PML: variants seen among roughly 807,000 people sequenced by gnomAD.
PML encodes protein PML.
PML carries 28 observed loss-of-function variants against 65.2 expected under a neutral mutation model. The ratio of observed to expected loss-of-function variants is 0.43; its 90% CI spans 0.32 to 0.59. The LOEUF (loss-of-function observed/expected upper bound fraction) is 0.59. PML is among the 20% of genes least tolerant of loss of function. The pLI is 0.08. For synonymous variants in PML, 500 were observed against 508.8 expected (o/e 0.98, Z 0.23); for missense variants, 1,021 against 1,203.4 (o/e 0.85, Z 2.24).
In PML at chr15:74,044,425, G is replaced by C; in HGVS notation, c.2066G>C (p.Arg689Pro). Residue 689 changes from arginine to proline, a missense_variant, in exon 9 of 9, where the codon CGG becomes CCG. Arg to Pro is a moderately radical substitution (Grantham distance 103). Transcript: ENST00000268058. ...GGGCCTGGCCTCCCAAACTTCTTCC[G>C]GGCCCTGGAGGACATTAACAGGCTG... ...LWGPGLPNFF[R>P]ALEDINRLWE... 1 of 1,614,138 alleles carries C rather than the reference G, an allele frequency of 6.2e-7. No homozygotes were observed. The highest frequency in any genetic ancestry group is 8.5e-7 in the Non-Finnish European group (1 of 1,180,008).
rs575547178 is a variant in PML, at chr15:74,047,719, T to C, written c.*2711T>C. 9 of 192,564 alleles carry C rather than the reference T, an allele frequency of 4.7e-5. No homozygotes were observed. The East Asian group carries it at 6.6e-4, about 14-fold the overall frequency. The allele number at this position is 192,564 out of a possible 1,614,324, so 11.9% of individuals were successfully genotyped here. A position where few individuals can be genotyped will look rare whatever the true frequency, so the allele number is the denominator to read the frequency against. The stretch of plus-strand genomic sequence containing the variant: ...GAGAAAATGTGTGTGAAGATAGCTT[T>C]TTGGTATATTTTAAAAGTGCACAAA... On this transcript the variant is annotated 3_prime_UTR_variant, in exon 9 of 9. Transcript: ENST00000268058.
chr15:74,044,928 C>A lies in PML; in HGVS notation c.2569C>A (p.Pro857Thr), dbSNP rs1156244389. ...GTYFEGLLEG[P>T]ALARAEGVST... ...CTACTTTGAAGGCCTGTTGGAGGGT[C>A]CGGCGCTGGCACGGGCAGAAGGAGT... The change falls in exon 9 of 9, where the codon CCG (proline) becomes ACG (threonine). Residue 857 changes from proline (P) to threonine (T), a missense_variant. By Grantham distance (38) the Pro-to-Thr change is conservative. Coordinates refer to ENST00000268058, the MANE Select transcript of PML (RefSeq NM_033238.3). The A allele has an allele frequency of 6.2e-7, 1 of 1,613,308 alleles. No homozygotes were observed. Among genetic ancestry groups the A allele is most frequent in the East Asian group, 2.2e-5 (1 of 44,862 alleles).
intron 2 of PML, among the ~76,000 whole-genome samples, chr15:74,006,390 CAAAAAAAAA>C (rs372202858): frequency 1.1e-5 from 1 of 87,554 alleles, no homozygotes; most frequent in Non-Finnish European, 2.1e-5. Context: ...GACTCCGTCT[CAAAAAAAAA>C]AAAAAAAAAA....
At chr15:74,034,961 G>T in intron 7 of PML, 1 of 1,471,684 alleles carries the variant, frequency 6.8e-7, no homozygotes, top group South Asian at 1.4e-5. Flanking sequence ...AGTGAGGTTT[G>T]ACTCCATCCA....
chr15:74,034,604 A>C, intron 7 of PML, 74 bp downstream of exon 7: 1 of 1,614,170 alleles, frequency 6.2e-7, no homozygotes, highest in Non-Finnish European at 8.5e-7. Flanking sequence ...CAGCCACAGC[A>C]GGTGACTCTC....
rs991729920 is a variant in PML, at chr15:74,023,074, G to A, written c.849G>A (p.Val283=). 1.9e-6 allele frequency: 3 copies of A among 1,602,760 alleles called. No individual in the cohort carries two copies. The African/African-American group carries it at 4.0e-5, about 21-fold the overall frequency. ...CCGAGGAGCTGATCCGCGAGCGCGT[G>A]CGCCAGGTGGTAGCTCACGTGCGGG... ...AETEELIRER[V]RQVVAHVRAQ... The change falls in exon 3 of 9, where the codon GTG becomes GTA. Residue 283 remains valine, a synonymous_variant. Transcript: ENST00000268058.
Position 74,008,738 on chromosome 15 carries a change from C to CA in PML, c.602+10279dup, listed in dbSNP as rs550873482. 9.4e-3 allele frequency among the ~76,000 whole-genome samples: 595 copies of CA among 63,580 alleles called. 3 individuals carry two copies. Among genetic ancestry groups the CA allele is most frequent in the East Asian group, 0.031 (68 of 2,218 alleles). The allele number at this position is 63,580 out of a possible 152,430, so 41.7% of individuals were successfully genotyped here. On this transcript the variant is annotated intron_variant, in intron 2 of 8. Coordinates refer to ENST00000268058, the MANE Select transcript of PML (RefSeq NM_033238.3). Reference sequence around the variant, plus strand: ...TGGGTGACAGAGCGAGACTGTGTCTCAAAAAAAAAAAAAAAAAGGAAAACC... The same window carrying CA: ...TGGGTGACAGAGCGAGACTGTGTCTCAAAAAAAAAAAAAAAAAAGGAAAACC...
At chr15:74,006,746 C>T (rs1486896328) in intron 2 of PML, among the ~76,000 whole-genome samples, 1 of 152,110 alleles carries the variant, frequency 6.6e-6, no homozygotes, top group Non-Finnish European at 1.5e-5. Flanking sequence ...GCACCAGAAA[C>T]CTGCTTGGCC....
Position 74,046,289 on chromosome 15 carries a change from G to C in PML, c.*1281G>C, listed in dbSNP as rs536007492. The C allele has an allele frequency of 8.6e-6, 2 of 233,288 alleles. No individual in the cohort carries two copies. The highest frequency in any genetic ancestry group is 3.6e-4 in the South Asian group (2 of 5,532). 14.5% of individuals were successfully genotyped at this position (233,288 alleles called of 1,614,324 possible). ...AGAGGTCAACAGCAGAACAGAGGCA[G>C]GTCAGGGTTGTCCGCTCTGATTAGC... On this transcript the variant is annotated 3_prime_UTR_variant, in exon 9 of 9. Coordinates refer to ENST00000268058, the MANE Select transcript of PML (RefSeq NM_033238.3).
intron 2 of PML, among the ~76,000 whole-genome samples, chr15:74,021,376 C>T (rs1330352775): frequency 2.0e-5 from 3 of 152,102 alleles, no homozygotes; most frequent in East Asian, 1.9e-4. Flanking sequence ...CACCTGAGGT[C>T]GGGAGTTCAA....
At chr15:74,002,518 A>G (rs1428400715) in intron 2 of PML, among the ~76,000 whole-genome samples, 1 of 136,924 alleles carries the variant, frequency 7.3e-6, no homozygotes, top group Non-Finnish European at 1.5e-5. Context: ...ATCTCGGCTC[A>G]CTGCAACCTC....
chr15:74,040,681 T>C (rs1056471461), intron 7 of PML, among the ~76,000 whole-genome samples: 29 of 152,046 alleles, frequency 1.9e-4, no homozygotes, highest in African/African-American at 6.5e-4. Flanking sequence ...CTGGCTGGAG[T>C]TCCAGTGAGA....
chr15:74,013,852 C>T (rs1318096952), intron 2 of PML, among the ~76,000 whole-genome samples: 1 of 152,116 alleles, frequency 6.6e-6, no homozygotes. Flanking sequence ...TTATTTCTTG[C>T]AACATTTACC....
rs1371232169 is a variant in PML at position 74,044,854 on chromosome 15, C to T, written c.2495C>T (p.Thr832Ile). ...KYSRYLSLQT[T>I]TLPPAQPAFN... ...AGCCGCTATCTAAGCCTGCAGACCA[C>T]CACGTTGCCCCCTGCCCAGCCTGCT... The change falls in exon 9 of 9, where the codon ACC becomes ATC. Residue 832 changes from threonine (T) to isoleucine (I), a missense_variant. Transcript: ENST00000268058. 2 of 1,613,484 alleles carry T rather than the reference C, an allele frequency of 1.2e-6. No individual in the cohort carries two copies. The highest frequency in any genetic ancestry group is 1.7e-6 in the Non-Finnish European group (2 of 1,180,038).
chr15:74,025,189 G>T (rs1036140448), intron 4 of PML: 7 of 513,022 alleles, frequency 1.4e-5, no homozygotes, highest in East Asian at 3.5e-5. Context: ...TAGATGTGGG[G>T]TAGACAGTCG....
Position 74,033,343 on chromosome 15 carries a change from G to A in PML, c.1586G>A (p.Arg529Lys). ...CACCTGGATGGACCGCCTAGCCCCA[G>A]GAGCCCCGTCATAGGAAGTGAGGTC... ...PPHLDGPPSPRSPVIGSEVFL... is the reference protein window; with the variant it reads ...PPHLDGPPSPKSPVIGSEVFL... Residue 529 changes from arginine (R) to lysine (K), a missense_variant, in exon 6 of 9, where the codon AGG becomes AAG. Physicochemically the swap from Arg to Lys is conservative, Grantham distance 26 (BLOSUM62 2). Transcript: ENST00000268058. 6.2e-7 allele frequency: 1 copy of A among 1,614,128 alleles called. No individual in the cohort carries two copies. The highest frequency in any genetic ancestry group is 1.1e-5 in the South Asian group (1 of 91,082).
At chr15:74,005,273 G>A (rs1401303480) in intron 2 of PML, among the ~76,000 whole-genome samples, 1 of 149,964 alleles carries the variant, frequency 6.7e-6, no homozygotes, top group Non-Finnish European at 1.5e-5. Flanking sequence ...GGCTGGTCTC[G>A]AACTCCTGAC....
At chr15:74,008,143 G>A (rs1449085728) in intron 2 of PML, among the ~76,000 whole-genome samples, 2 of 152,164 alleles carry the variant, frequency 1.3e-5, no homozygotes, top group Admixed American at 6.5e-5. Flanking sequence ...TTAGTGTGAT[G>A]TATAAGGAAA....
intron 2 of PML, 70 bp downstream of exon 2, chr15:73,998,546 CAA>C (rs1361955226): frequency 6.4e-5 from 85 of 1,318,714 alleles, no homozygotes; most frequent in Non-Finnish European, 8.9e-5. Flanking sequence ...AGCAAAGATC[CAA>C]AGAGTCACAC....
Sources: allele counts gnomAD v4.1 joint callset (sites outside exome capture counted in the v4.1 genomes callset), GRCh38; gene constraint gnomAD v4.1.1; transcripts MANE v1.5; gene names NCBI Gene and HGNC (gene_info 2026-07-23, HGNC 2026-07-21).